NNMT: variants seen among roughly 807,000 people sequenced by gnomAD.
NNMT encodes nicotinamide N-methyltransferase.
Under a neutral mutation model 11.7 loss-of-function variants are expected in NNMT, and 10 were observed. The ratio of observed to expected loss-of-function variants is 0.85; its 90% CI spans 0.53 to 1.45. The LOEUF (loss-of-function observed/expected upper bound fraction) is 1.45. NNMT is among the 40% of genes most tolerant of loss of function. NNMT has a pLI of 0.00. For synonymous variants in NNMT, 143 were observed against 133.8 expected (o/e 1.07, Z -0.48); for missense variants, 381 against 319.4 (o/e 1.19, Z -1.47).
intron 2 of NNMT, among the ~76,000 whole-genome samples, chr11:114,278,512 T>C (rs1431420486): frequency 6.6e-6 from 1 of 152,110 alleles, no homozygotes; most frequent in African/African-American, 2.4e-5. Flanking sequence ...GCACTACTAA[T>C]GTTCTGGGCA....
Position 114,296,407 on chromosome 11 carries a change from A to G in NNMT, c.-150A>G. The stretch of plus-strand genomic sequence containing the variant: ...TGGTCTATTTCTCTGTTAGTGTTTA[A>G]CCAACCATCTGTTCTAAAAGAAGGG... On this transcript the variant is annotated 5_prime_UTR_variant, in exon 1 of 3. Coordinates refer to ENST00000299964, the MANE Select transcript of NNMT (RefSeq NM_006169.3). 1.4e-6 allele frequency: 1 copy of G among 708,768 alleles called. No homozygotes were observed. Among genetic ancestry groups the G allele is most frequent in the Non-Finnish European group, 2.3e-6 (1 of 435,216 alleles). The allele number at this position is 708,768 out of a possible 1,614,324, so 43.9% of individuals were successfully genotyped here.
chr11:114,268,764 G>A (rs981903364), intron 2 of NNMT, among the ~76,000 whole-genome samples: 9 of 104,218 alleles, frequency 8.6e-5, no homozygotes, highest in African/African-American at 2.7e-4. Context: ...GCGAGACTCC[G>A]TCTCAAAAAA....
rs1223572801 is a variant in NNMT, at chr11:114,297,968, C to T, written c.172C>T (p.Leu58=). 1.2e-6 allele frequency: 2 copies of T among 1,612,782 alleles called. No individual in the cohort carries two copies. Among genetic ancestry groups the T allele is most frequent in the African/African-American group, 1.3e-5 (1 of 74,876 alleles). The change falls in exon 2 of 3, where the codon CTG becomes TTG. Residue 58 remains leucine (L), a synonymous_variant. Transcript: ENST00000299964. ...TAATCCAGACGGTGTGAAGGGAGAC[C>T]TGCTGATTGACATCGGCTCTGGCCC... ...IFCLDGVKGD[L]LIDIGSGPTI... is the part of the protein sequence containing the mutation.
chr11:114,293,968 A>G (rs1213240644), upstream of NNMT, among the ~76,000 whole-genome samples: 1 of 152,192 alleles, frequency 6.6e-6, no homozygotes, highest in Non-Finnish European at 1.5e-5. Flanking sequence ...GAAGAATTAG[A>G]TCCTGTCATT....
At chr11:114,278,706 G>C (rs980290760) in intron 2 of NNMT, among the ~76,000 whole-genome samples, 4 of 152,114 alleles carry the variant, frequency 2.6e-5, no homozygotes, top group Non-Finnish European at 5.9e-5. Context: ...AGAGTGGCTA[G>C]ATCTGTCAGT....
At chr11:114,273,704 G>A (rs1159028411) in intron 2 of NNMT, among the ~76,000 whole-genome samples, 1 of 152,134 alleles carries the variant, frequency 6.6e-6, no homozygotes, top group Non-Finnish European at 1.5e-5. Flanking sequence ...GCCGGGTATG[G>A]TGGCACGTGC....
At chr11:114,293,096 A>G (rs138554326), upstream of NNMT, among the ~76,000 whole-genome samples, 55 of 152,338 alleles carry the variant, frequency 3.6e-4, 1 homozygote, top group Non-Finnish European at 6.3e-4. Context: ...AACAACTTAC[A>G]TCTTTGGACT....
chr11:114,300,705 C>T (rs1945430210), intron 2 of NNMT, among the ~76,000 whole-genome samples: 1 of 152,158 alleles, frequency 6.6e-6, no homozygotes, highest in Non-Finnish European at 1.5e-5. Context: ...TTGTTTTTAG[C>T]TCTGTTATAT....
intron 2 of NNMT, among the ~76,000 whole-genome samples, chr11:114,300,817 T>G (rs560999891): frequency 1.3e-5 from 2 of 152,306 alleles, no homozygotes; most frequent in East Asian, 3.9e-4. Flanking sequence ...AAGTCTACTT[T>G]TTCTGATGTT....
chr11:114,308,245 A>G lies in NNMT; in HGVS notation c.363-3800A>G, dbSNP rs1373376709. On this transcript the variant is annotated intron_variant, in intron 2 of 2. Coordinates refer to ENST00000299964, the MANE Select transcript of NNMT (RefSeq NM_006169.3). ...TGTTCCTTGCCCGTACAATTCTCAC[A>G]GTGACCTCCACGCTTACTTAGCCTT... Among the ~76,000 whole-genome samples the G allele has an allele frequency of 2.0e-5, 3 of 152,326 alleles. No individual in the cohort carries two copies. The East Asian group carries it at 5.8e-4, about 29-fold the overall frequency.
At chr11:114,267,551 A>C (rs1209499364) in intron 2 of NNMT, among the ~76,000 whole-genome samples, 1 of 152,182 alleles carries the variant, frequency 6.6e-6, no homozygotes, top group Non-Finnish European at 1.5e-5. Flanking sequence ...ATTTTTAATG[A>C]ATTACATATA....
chr11:114,297,808 A>T (rs1945396868), intron 1 of NNMT, 143 bp from the exon 2 acceptor site: 3 of 705,896 alleles, frequency 4.2e-6, no homozygotes, highest in Non-Finnish European at 4.8e-6. Flanking sequence ...TTTTAAAAAA[A>T]CATTTTGAGG....
At chr11:114,298,287 A>G (rs1223239843) in intron 2 of NNMT, 129 bp downstream of exon 2, 4 of 739,598 alleles carry the variant, frequency 5.4e-6, no homozygotes, top group Non-Finnish European at 8.9e-6. Context: ...AGCGAGAGCA[A>G]GAGAGATGAG....
intron 2 of NNMT, among the ~76,000 whole-genome samples, chr11:114,264,594 C>T (rs1591824473): frequency 1.3e-5 from 2 of 152,198 alleles, no homozygotes; most frequent in South Asian, 4.1e-4. Context: ...TCCAACACTA[C>T]CTACCTGGAG....
chr11:114,277,855 T>A (rs1945225926), intron 2 of NNMT, among the ~76,000 whole-genome samples: 2 of 152,192 alleles, frequency 1.3e-5, no homozygotes, highest in African/African-American at 4.8e-5. Flanking sequence ...AAGCTCAGCA[T>A]CAGAACCTTT....
At chr11:114,281,583 C>CA (rs1311434670) in intron 2 of NNMT, among the ~76,000 whole-genome samples, 1 of 152,122 alleles carries the variant, frequency 6.6e-6, no homozygotes, top group Non-Finnish European at 1.5e-5. Flanking sequence ...AGCAAGAAAT[C>CA]AAAGTCAAGA....
chr11:114,312,869 T>A lies in NNMT; in HGVS notation c.*392T>A, dbSNP rs2135288631. Reference sequence around the variant, plus strand: ...TTCTCTCCCAGGAATGGGCTTCTCCTATTCTTTAACTCTTGCCTTCTCCCT... The same window carrying A: ...TTCTCTCCCAGGAATGGGCTTCTCCAATTCTTTAACTCTTGCCTTCTCCCT... On this transcript the variant is annotated 3_prime_UTR_variant, in exon 3 of 3. Coordinates refer to ENST00000299964, the MANE Select transcript of NNMT (RefSeq NM_006169.3). 5.5e-6 allele frequency: 1 copy of A among 180,544 alleles called. No individual in the cohort carries two copies. Among genetic ancestry groups the A allele is most frequent in the South Asian group, 1.4e-4 (1 of 7,028 alleles). 11.2% of individuals were successfully genotyped at this position (180,544 alleles called of 1,614,324 possible). A position where few individuals can be genotyped will look rare whatever the true frequency, so the allele number is the denominator to read the frequency against.
At chr11:114,308,808 C>T (rs1945517959) in intron 2 of NNMT, among the ~76,000 whole-genome samples, 1 of 152,168 alleles carries the variant, frequency 6.6e-6, no homozygotes, top group African/African-American at 2.4e-5. Flanking sequence ...ACCTTGGCAA[C>T]TGACTTCCCC....
intron 2 of NNMT, among the ~76,000 whole-genome samples, chr11:114,268,915 T>C (rs1449289592): frequency 6.6e-6 from 1 of 152,244 alleles, no homozygotes. Flanking sequence ...TAGTTGTTTA[T>C]GGTGAAAGGC....
Sources: allele counts gnomAD v4.1 joint callset (sites outside exome capture counted in the v4.1 genomes callset), GRCh38; gene constraint gnomAD v4.1.1; transcripts MANE v1.5; gene names NCBI Gene and HGNC (gene_info 2026-07-23, HGNC 2026-07-21).